The following CTNNA3 variants were observed in gnomAD, a reference collection of about 807,000 sequenced individuals.
CTNNA3 encodes the protein catenin alpha-3.
A neutral mutation model predicts 95.7 loss-of-function variants in CTNNA3; 76 were observed. The observed-to-expected ratio is 0.79, with a 90% CI of 0.66 to 0.96. CTNNA3 has a LOEUF of 0.96. Among genes scored for constraint, CTNNA3 ranks in the 40% least tolerant of loss-of-function variants. The probability of loss-of-function intolerance (pLI) is 0.00; values close to 1 mark genes in which losing one functional copy is unlikely to be tolerated. For synonymous variants in CTNNA3, 431 were observed against 374.4 expected, an observed-to-expected ratio of 1.15 and a Z score of -1.74; for missense variants, 1,191 against 1,089.8, an observed-to-expected ratio of 1.09 and a Z score of -1.31.
chr10:66,574,795 G>T (rs898777545), intron 10 of CTNNA3, among the ~76,000 whole-genome samples: 1 of 152,110 alleles, frequency 6.6e-6, no homozygotes, highest in Non-Finnish European at 1.5e-5. Context: ...CCGTATGGGC[G>T]CAAGGATGCT....
chr10:65,939,848 G>A (rs1399349613), intron 17 of CTNNA3, among the ~76,000 whole-genome samples: 2 of 152,108 alleles, frequency 1.3e-5, no homozygotes, highest in Non-Finnish European at 2.9e-5. Flanking sequence ...AAAATGCAGT[G>A]TGGTGGTATT....
intron 12 of CTNNA3, among the ~76,000 whole-genome samples, chr10:66,315,284 T>C (rs2092085396): frequency 6.6e-6 from 1 of 152,056 alleles, no homozygotes; most frequent in African/African-American, 2.4e-5. Context: ...CCCCACTTCA[T>C]TATTAATAAT....
chr10:67,383,321 C>T (rs913848415), intron 5 of CTNNA3, among the ~76,000 whole-genome samples: 33 of 152,042 alleles, frequency 2.2e-4, no homozygotes, highest in African/African-American at 7.7e-4. Context: ...TGGCAAGCAC[C>T]GTGAACAAGG....
At chr10:67,701,798 A>G (rs1023787863) in intron 1 of CTNNA3, among the ~76,000 whole-genome samples, 14 of 151,498 alleles carry the variant, frequency 9.2e-5, no homozygotes, top group Non-Finnish European at 1.2e-4. Context: ...ATGTAAATGG[A>G]CTAAATGCTC....
chr10:66,808,157 G>A (rs1841731460), intron 7 of CTNNA3, among the ~76,000 whole-genome samples: 1 of 152,074 alleles, frequency 6.6e-6, no homozygotes, highest in Non-Finnish European at 1.5e-5. Flanking sequence ...TTATTGGACA[G>A]TAAGTTCAAT....
chr10:67,388,784 C>G (rs1844315987), intron 5 of CTNNA3, among the ~76,000 whole-genome samples: 1 of 151,948 alleles, frequency 6.6e-6, no homozygotes, highest in African/African-American at 2.4e-5. Flanking sequence ...GAATTTTCAA[C>G]CCAGAATTTC....
At chr10:66,568,627 A>G (rs1842781858) in intron 10 of CTNNA3, among the ~76,000 whole-genome samples, 1 of 152,060 alleles carries the variant, frequency 6.6e-6, no homozygotes, top group African/African-American at 2.4e-5. Flanking sequence ...ACAGTTAAAG[A>G]GACTGCAGTC....
intron 7 of CTNNA3, among the ~76,000 whole-genome samples, chr10:67,136,884 T>C (rs2132032539): frequency 6.6e-6 from 1 of 152,216 alleles, no homozygotes; most frequent in South Asian, 2.1e-4. Context: ...ACAACATCTC[T>C]CATTCAGAGA....
At chr10:66,104,399 G>C (rs1390520575) in intron 13 of CTNNA3, among the ~76,000 whole-genome samples, 2 of 152,168 alleles carry the variant, frequency 1.3e-5, no homozygotes, top group African/African-American at 4.8e-5. Context: ...TGCTTAACAA[G>C]AATTAGCCTA....
At chr10:66,673,583 C>G (rs1846740569) in intron 9 of CTNNA3, among the ~76,000 whole-genome samples, 1 of 151,950 alleles carries the variant, frequency 6.6e-6, no homozygotes, top group African/African-American at 2.4e-5. Context: ...TTAAGAATAT[C>G]TTTACTGGTG....
intron 9 of CTNNA3, among the ~76,000 whole-genome samples, chr10:66,659,510 A>T (rs1163301482): frequency 6.6e-6 from 1 of 152,188 alleles, no homozygotes; most frequent in African/African-American, 2.4e-5. Context: ...TGTACTTACA[A>T]GGAATATTTA....
At chr10:67,387,277 G>C (rs975452107) in intron 5 of CTNNA3, among the ~76,000 whole-genome samples, 1 of 152,128 alleles carries the variant, frequency 6.6e-6, no homozygotes, top group Non-Finnish European at 1.5e-5. Context: ...TTCCCTTTCC[G>C]AGTCAAAGAA....
intron 13 of CTNNA3, among the ~76,000 whole-genome samples, chr10:66,114,450 GTA>G (rs1019053375): frequency 3.4e-4 from 41 of 122,180 alleles, no homozygotes; most frequent in African/African-American, 1.4e-3. Flanking sequence ...GTGTATATAT[GTA>G]TATATGTGTA....
intron 7 of CTNNA3, among the ~76,000 whole-genome samples, chr10:66,895,813 C>T (rs1016701466): frequency 6.0e-5 from 9 of 151,220 alleles, no homozygotes; most frequent in African/African-American, 2.2e-4. Flanking sequence ...CATGGTGGCT[C>T]ACGCCTATAA....
intron 11 of CTNNA3, among the ~76,000 whole-genome samples, chr10:66,385,100 C>A (rs1157217790): frequency 7.2e-5 from 11 of 151,874 alleles, no homozygotes; most frequent in East Asian, 1.9e-4. Context: ...TCAGAGCAGA[C>A]CTGAAAGAGA....
chr10:67,185,988 T>C (rs1862825615), intron 6 of CTNNA3, among the ~76,000 whole-genome samples: 1 of 148,598 alleles, frequency 6.7e-6, no homozygotes, highest in South Asian at 2.1e-4. Flanking sequence ...ATCACACCAG[T>C]GTACTCCAGC....
At chr10:67,406,044 A>G (rs988261044) in intron 5 of CTNNA3, among the ~76,000 whole-genome samples, 1 of 152,166 alleles carries the variant, frequency 6.6e-6, no homozygotes, top group African/African-American at 2.4e-5. Context: ...TGCTGTTCTC[A>G]TAATAGTGAG....
intron 13 of CTNNA3, among the ~76,000 whole-genome samples, chr10:66,114,368 G>A (rs1207079797): frequency 6.6e-6 from 1 of 151,768 alleles, no homozygotes; most frequent in African/African-American, 2.4e-5. Flanking sequence ...ATATATGTGT[G>A]TGTGTGTATA....
chr10:66,688,799 T>A (rs1488724260), intron 9 of CTNNA3, among the ~76,000 whole-genome samples: 2 of 149,378 alleles, frequency 1.3e-5, no homozygotes, highest in Non-Finnish European at 3.0e-5. Context: ...GTGAAACCCG[T>A]CTCTACTAAA....
Sources: gnomAD v4.1 joint callset for allele counts (sites outside exome capture counted in the v4.1 genomes callset) on GRCh38, gnomAD v4.1.1 for gene constraint, MANE v1.5 for transcripts, NCBI Gene and HGNC (gene_info 2026-07-23, HGNC 2026-07-21) for gene names.